The following PHTF2 variants were observed in gnomAD, a reference collection of about 807,000 sequenced individuals.
PHTF2 encodes putative homeodomain transcription factor 2.
Under a neutral mutation model 101.2 loss-of-function variants are expected in PHTF2, and 60 were observed. That is an observed-to-expected ratio of 0.59 (90% CI 0.48 to 0.73). The LOEUF (loss-of-function observed/expected upper bound fraction) is 0.73. PHTF2 is among the 30% of genes least tolerant of loss of function. The probability of loss-of-function intolerance (pLI) is 0.00; values close to 1 mark genes in which losing one functional copy is unlikely to be tolerated. For synonymous variants in PHTF2, 311 were observed against 307.3 expected, an observed-to-expected ratio of 1.01 and a Z score of -0.13; for missense variants, 747 against 908.7, an observed-to-expected ratio of 0.82 and a Z score of 2.29.
chr7:77,857,642 A>G (rs1209394035), intron 3 of PHTF2, among the ~76,000 whole-genome samples: 2 of 152,198 alleles, frequency 1.3e-5, no homozygotes, highest in Non-Finnish European at 2.9e-5. Flanking sequence ...TTCCGTCACA[A>G]CCATCTGATG....
chr7:77,805,948 G>A (rs1792937446), intron 1 of PHTF2, among the ~76,000 whole-genome samples: 1 of 152,226 alleles, frequency 6.6e-6, no homozygotes, highest in African/African-American at 2.4e-5. Context: ...GCCGAGGCAG[G>A]CGGGTCATTT....
At chr7:77,838,079 C>G (rs1415074497) in intron 1 of PHTF2, among the ~76,000 whole-genome samples, 5 of 152,058 alleles carry the variant, frequency 3.3e-5, no homozygotes, top group Admixed American at 6.6e-5. Context: ...AGGTTATAAC[C>G]AATCTGGAAA....
intron 16 of PHTF2, among the ~76,000 whole-genome samples, chr7:77,946,857 C>CA (rs1806087016): frequency 6.6e-6 from 1 of 151,754 alleles, no homozygotes; most frequent in East Asian, 1.9e-4. Context: ...GACAGTGACT[C>CA]ATGGTTATAA....
intron 3 of PHTF2, among the ~76,000 whole-genome samples, chr7:77,882,811 C>G (rs750383238): frequency 1.3e-4 from 20 of 152,126 alleles, no homozygotes. Flanking sequence ...CCACAGCTTT[C>G]TGTGTGACAT....
intron 7 of PHTF2, among the ~76,000 whole-genome samples, chr7:77,903,121 T>G (rs2150838366): frequency 6.6e-6 from 1 of 152,294 alleles, no homozygotes; most frequent in East Asian, 1.9e-4. Flanking sequence ...ATCAAAGTCT[T>G]TGTAAATATA....
chr7:77,835,962 T>G (rs1012226244), intron 1 of PHTF2, among the ~76,000 whole-genome samples: 12 of 151,278 alleles, frequency 7.9e-5, no homozygotes, highest in African/African-American at 2.4e-4. Flanking sequence ...TCTACTAAAA[T>G]TACAAATTAG....
At chr7:77,821,471 T>A (rs1263348944) in intron 1 of PHTF2, among the ~76,000 whole-genome samples, 1 of 151,772 alleles carries the variant, frequency 6.6e-6, no homozygotes, top group Non-Finnish European at 1.5e-5. Flanking sequence ...TGTGGATGTA[T>A]GTATCTGCTG....
chr7:77,919,609 T>C (rs1803255134), intron 9 of PHTF2, among the ~76,000 whole-genome samples: 1 of 152,098 alleles, frequency 6.6e-6, no homozygotes, highest in Non-Finnish European at 1.5e-5. Context: ...TTGTATTTTA[T>C]GTGTTGAAAA....
At chr7:77,922,680 G>C in exon 11 of PHTF2, 1 of 1,610,740 alleles carries the variant, frequency 6.2e-7, no homozygotes, top group Non-Finnish European at 8.5e-7. Context: ...GGAAGGTCCT[G>C]AAACAGGATA....
intron 17 of PHTF2, among the ~76,000 whole-genome samples, chr7:77,950,247 A>G (rs1385871556): frequency 2.0e-5 from 3 of 152,210 alleles, no homozygotes; most frequent in African/African-American, 4.8e-5. Flanking sequence ...GGAATTTTGT[A>G]AAGAAACTTA....
intron 1 of PHTF2, among the ~76,000 whole-genome samples, chr7:77,814,191 T>A (rs916368804): frequency 5.9e-5 from 9 of 152,208 alleles, no homozygotes; most frequent in Non-Finnish European, 1.0e-4. Flanking sequence ...TGTGTTAATA[T>A]AAGGTCGCTG....
rs1017289464 is a variant in PHTF2, at chr7:77,878,709, T to G, written c.148-14899T>G. Reference sequence around the variant, plus strand: ...GTTAGAAGCAAGATGGAGTCAGCTATGTCAGATTTCTCCTACTGTCATAAT... The same window carrying G: ...GTTAGAAGCAAGATGGAGTCAGCTAGGTCAGATTTCTCCTACTGTCATAAT... On this transcript the variant is annotated intron_variant, in intron 3 of 19. Transcript: ENST00000416283. Among the ~76,000 whole-genome samples, 5 of 152,354 alleles carry G rather than the reference T, an allele frequency of 3.3e-5. No individual in the cohort carries two copies. In the South Asian group the frequency reaches 1.0e-3, roughly 32 times the overall value.
chr7:77,862,943 T>G (rs1214152051), intron 3 of PHTF2, among the ~76,000 whole-genome samples: 2 of 152,258 alleles, frequency 1.3e-5, no homozygotes, highest in African/African-American at 4.8e-5. Context: ...AAATGCCATT[T>G]AACAGGTAAA....
intron 3 of PHTF2, among the ~76,000 whole-genome samples, chr7:77,866,707 GGTATTTTTAAAATAA>G (rs1286169944): frequency 6.6e-6 from 1 of 152,090 alleles, no homozygotes; most frequent in African/African-American, 2.4e-5. Context: ...TAATATGTTA[GGTATTTTTAAAATAA>G]GTAACCAAGT....
rs113654490 is a variant in PHTF2, at chr7:77,915,011, A to G, written c.776+4602A>G. The stretch of plus-strand genomic sequence containing the variant: ...ACTGCAACCTCCGCCTCCCGGGTTC[A>G]AGTGATTCTTCTCCCTCAGCCTCCC... On this transcript the variant is annotated intron_variant, in intron 9 of 19. Transcript: ENST00000416283. 7.8e-3 allele frequency among the ~76,000 whole-genome samples: 1,175 copies of G among 151,574 alleles called. 20 individuals carry two copies. The highest frequency in any genetic ancestry group is 0.028 in the African/African-American group (1,137 of 41,262).
At chr7:77,830,509 A>C (rs768889886) in intron 1 of PHTF2, among the ~76,000 whole-genome samples, 9 of 152,168 alleles carry the variant, frequency 5.9e-5, no homozygotes, top group Non-Finnish European at 1.3e-4. Flanking sequence ...CTGTCAGATC[A>C]GCAGCGGCAT....
At chr7:77,805,272 CTCTT>C (rs1472600410) in intron 1 of PHTF2, among the ~76,000 whole-genome samples, 3 of 152,148 alleles carry the variant, frequency 2.0e-5, no homozygotes, top group Admixed American at 2.0e-4. Flanking sequence ...TGTCCTCTCT[CTCTT>C]TCTGACTCTG....
intron 2 of PHTF2, among the ~76,000 whole-genome samples, chr7:77,848,531 C>G (rs375038078): frequency 1.3e-5 from 2 of 152,262 alleles, no homozygotes; most frequent in South Asian, 4.1e-4. Flanking sequence ...CTATTCAGAC[C>G]TTTTGCCCAT....
intron 11 of PHTF2, 58 bp downstream of exon 10, chr7:77,922,836 A>G (rs1803608141): frequency 6.9e-6 from 9 of 1,302,622 alleles, no homozygotes; most frequent in Non-Finnish European, 9.4e-6. Context: ...TTACTAATTT[A>G]TAACTTCTTT....
Sources: allele counts gnomAD v4.1 joint callset (sites outside exome capture counted in the v4.1 genomes callset), GRCh38; gene constraint gnomAD v4.1.1; transcripts MANE v1.5; gene names NCBI Gene and HGNC (gene_info 2026-07-23, HGNC 2026-07-21).